Variants in CDH18 observed in about 807,000 individuals in gnomAD.
CDH18 encodes the protein cadherin 18.
In CDH18, 31 loss-of-function variants were observed where a neutral mutation model predicts 67.9. That is an observed-to-expected ratio of 0.46 (90% CI 0.34 to 0.62). The LOEUF is 0.62. Ranked by LOEUF, CDH18 falls within the 20% of genes least tolerant of loss-of-function variation. The pLI is 0.01. For synonymous variants in CDH18, 362 were observed against 347.2 expected (o/e 1.04, Z -0.48); for missense variants, 890 against 975.5 (o/e 0.91, Z 1.17).
intron 2 of CDH18, among the ~76,000 whole-genome samples, chr5:19,880,406 C>T (rs1787509093): frequency 6.6e-6 from 1 of 151,894 alleles, no homozygotes; most frequent in South Asian, 2.1e-4. Context: ...TTTAGAAACC[C>T]TAAAATGAAG....
intron 2 of CDH18, among the ~76,000 whole-genome samples, chr5:19,887,131 G>A (rs1355658237): frequency 2.6e-5 from 4 of 151,088 alleles, no homozygotes; most frequent in African/African-American, 9.7e-5. Flanking sequence ...GAGAAGAATG[G>A]CTAAAAATTT....
chr5:19,966,163 C>T (rs1797420710), intron 2 of CDH18, among the ~76,000 whole-genome samples: 1 of 152,162 alleles, frequency 6.6e-6, no homozygotes, highest in East Asian at 1.9e-4. Flanking sequence ...ATTTGTGAAA[C>T]CTGGTATATC....
intron 6 of CDH18, among the ~76,000 whole-genome samples, chr5:19,599,429 G>A (rs191402473): frequency 1.8e-4 from 27 of 152,200 alleles, no homozygotes; most frequent in Non-Finnish European, 3.5e-4. Context: ...TGCTTTACAC[G>A]TAGCTCTGCT....
intron 8 of CDH18, among the ~76,000 whole-genome samples, chr5:19,563,685 C>A (rs548025279): frequency 1.2e-4 from 19 of 152,168 alleles, no homozygotes; most frequent in Non-Finnish European, 2.4e-4. Flanking sequence ...CAGTATAGAA[C>A]CCTACAAAGA....
intron 5 of CDH18, among the ~76,000 whole-genome samples, chr5:19,715,679 T>G (rs1014149875): frequency 6.6e-6 from 1 of 152,178 alleles, no homozygotes; most frequent in South Asian, 2.1e-4. Context: ...CTTATCTTTT[T>G]AAAATAAATT....
intron 1 of CDH18, among the ~76,000 whole-genome samples, chr5:20,534,736 C>G (rs893526592): frequency 6.6e-6 from 1 of 151,776 alleles, no homozygotes; most frequent in Non-Finnish European, 1.5e-5. Flanking sequence ...TCTTTGTTTA[C>G]CAAAAATATA....
intron 2 of CDH18, among the ~76,000 whole-genome samples, chr5:20,051,491 C>A (rs1340243921): frequency 1.3e-5 from 2 of 151,864 alleles, no homozygotes; most frequent in Non-Finnish European, 2.9e-5. Context: ...AAATGAGAAT[C>A]ATAGTTCTTA....
intron 3 of CDH18, among the ~76,000 whole-genome samples, chr5:19,748,112 C>CAAAAAAGAAAAAAAAA (rs1770328651): frequency 6.7e-5 from 1 of 14,858 alleles, no homozygotes; most frequent in Non-Finnish European, 1.3e-4. Context: ...GACTCCATCT[C>CAAAAAAGAAAAAAAAA]AAAAAAAAAA....
At chr5:19,663,801 T>C (rs772153124) in intron 5 of CDH18, among the ~76,000 whole-genome samples, 24 of 151,900 alleles carry the variant, frequency 1.6e-4, no homozygotes, top group Non-Finnish European at 3.1e-4. Flanking sequence ...AAAAATGATA[T>C]CCGGTGTTAT....
At chr5:20,480,052 TG>T (rs1233613581) in intron 1 of CDH18, among the ~76,000 whole-genome samples, 1 of 152,042 alleles carries the variant, frequency 6.6e-6, no homozygotes, top group African/African-American at 2.4e-5. Context: ...CCTTCAGACA[TG>T]AAAGAGAAAT....
intron 2 of CDH18, among the ~76,000 whole-genome samples, chr5:20,113,038 C>T (rs1307219407): frequency 6.6e-6 from 1 of 152,166 alleles, no homozygotes; most frequent in African/African-American, 2.4e-5. Context: ...ATTGTTTCTT[C>T]TCTGTTCTTG....
chr5:20,489,981 T>C (rs1451528347), intron 1 of CDH18, among the ~76,000 whole-genome samples: 1 of 151,538 alleles, frequency 6.6e-6, no homozygotes, highest in African/African-American at 2.4e-5. Context: ...CTAGAAAGAT[T>C]TTTCCATATG....
At chr5:19,746,293 A>G (rs1417336298) in intron 4 of CDH18, among the ~76,000 whole-genome samples, 1 of 152,214 alleles carries the variant, frequency 6.6e-6, no homozygotes, top group Admixed American at 6.5e-5. Flanking sequence ...GCATTCAGCT[A>G]AACCTGGAAA....
At chr5:19,558,421 G>C (rs1738841465) in intron 8 of CDH18, among the ~76,000 whole-genome samples, 1 of 151,628 alleles carries the variant, frequency 6.6e-6, no homozygotes, top group South Asian at 2.1e-4. Flanking sequence ...AAAAAGAGAA[G>C]CAAGATCCAA....
intron 5 of CDH18, among the ~76,000 whole-genome samples, chr5:19,614,750 A>T (rs1468792269): frequency 1.3e-5 from 2 of 152,216 alleles, no homozygotes; most frequent in Non-Finnish European, 2.9e-5. Flanking sequence ...TTCCAGGATG[A>T]AATGGGAAGA....
At chr5:20,106,666 G>A (rs899326112) in intron 2 of CDH18, among the ~76,000 whole-genome samples, 1 of 152,142 alleles carries the variant, frequency 6.6e-6, no homozygotes, top group Non-Finnish European at 1.5e-5. Flanking sequence ...GGTGGTTGTT[G>A]TTATTTGTTT....
At chr5:19,926,831 A>C (rs1343973588) in intron 2 of CDH18, among the ~76,000 whole-genome samples, 1 of 152,238 alleles carries the variant, frequency 6.6e-6, no homozygotes, top group African/African-American at 2.4e-5. Context: ...AATAAAACGT[A>C]TCTATATATA....
intron 1 of CDH18, among the ~76,000 whole-genome samples, chr5:20,566,526 A>ATTTTTTTTTTTTTTTTTTTTT (rs33950954): frequency 2.1e-5 from 2 of 97,380 alleles, no homozygotes; most frequent in African/African-American, 4.1e-5. Flanking sequence ...TGCCCAGCTA[A>ATTTTTTTTTTTTTTTTTTTTT]TTTTTTTTTT....
intron 3 of CDH18, among the ~76,000 whole-genome samples, chr5:19,838,313 T>C (rs903926063): frequency 2.0e-5 from 3 of 152,282 alleles, no homozygotes; most frequent in Non-Finnish European, 2.9e-5. Context: ...AAAATATGTG[T>C]GATGTTTTCA....
Sources: allele counts gnomAD v4.1 joint callset (sites outside exome capture counted in the v4.1 genomes callset), GRCh38; gene constraint gnomAD v4.1.1; transcripts MANE v1.5; gene names NCBI Gene and HGNC (gene_info 2026-07-23, HGNC 2026-07-21).